Variants in ADCY2 observed in about 807,000 individuals in gnomAD.
The protein encoded by ADCY2 is adenylate cyclase type 2.
A neutral mutation model predicts 125.2 loss-of-function variants in ADCY2; 31 were observed. That is an observed-to-expected ratio of 0.25 (90% CI 0.19 to 0.33). The LOEUF is 0.33. Among genes scored for constraint, ADCY2 ranks in the 10% least tolerant of loss-of-function variants. The pLI is 1.00. For synonymous variants in ADCY2, 512 were observed against 548.4 expected, an observed-to-expected ratio of 0.93 and a Z score of 0.93; for missense variants, 904 against 1,418.2, an observed-to-expected ratio of 0.64 and a Z score of 5.82.
intron 4 of ADCY2, among the ~76,000 whole-genome samples, chr5:7,675,180 A>G (rs28449327): frequency 9.4e-6 from 1 of 105,970 alleles, no homozygotes; most frequent in Admixed American, 1.4e-4. Flanking sequence ...AAGAAAGAAA[A>G]AAAGAAAAAG....
At chr5:7,413,734 A>C (rs989030355) in intron 1 of ADCY2, among the ~76,000 whole-genome samples, 3 of 152,228 alleles carry the variant, frequency 2.0e-5, no homozygotes, top group African/African-American at 7.2e-5. Context: ...AATGTTTTGC[A>C]GAAGCTAAAG....
At chr5:7,692,767 A>G (rs1740745571) in intron 5 of ADCY2, among the ~76,000 whole-genome samples, 1 of 152,072 alleles carries the variant, frequency 6.6e-6, no homozygotes, top group Non-Finnish European at 1.5e-5. Context: ...TTTTCTTCTG[A>G]CAATCTGTTT....
chr5:7,512,233 A>AAAAAAAAAAAAAAAAAAAAAAAAG (rs1561066830), intron 2 of ADCY2, among the ~76,000 whole-genome samples: 1 of 143,758 alleles, frequency 7.0e-6, no homozygotes, highest in African/African-American at 2.7e-5. Context: ...AAAAAAAAAA[A>AAAAAAAAAAAAAAAAAAAAAAAAG]AAAAAAAGAA....
intron 3 of ADCY2, among the ~76,000 whole-genome samples, chr5:7,601,815 C>T (rs1737215188): frequency 6.6e-6 from 1 of 152,190 alleles, no homozygotes; most frequent in Non-Finnish European, 1.5e-5. Flanking sequence ...ATGCTGTGTG[C>T]ATCAGAGTAT....
chr5:7,803,679 G>A (rs1467586766), intron 21 of ADCY2, among the ~76,000 whole-genome samples: 1 of 152,064 alleles, frequency 6.6e-6, no homozygotes, highest in East Asian at 1.9e-4. Context: ...TGGGAGGATC[G>A]CTTGAGCCCA....
chr5:7,763,281 C>T (rs988525313), intron 16 of ADCY2, among the ~76,000 whole-genome samples: 1 of 151,344 alleles, frequency 6.6e-6, no homozygotes, highest in African/African-American at 2.4e-5. Context: ...TTAGTAGAGA[C>T]GGGGTTTCAC....
intron 3 of ADCY2, among the ~76,000 whole-genome samples, chr5:7,599,924 C>T (rs1282785563): frequency 2.6e-5 from 4 of 152,086 alleles, no homozygotes; most frequent in African/African-American, 9.7e-5. Flanking sequence ...TTGACTTCAT[C>T]GTGCATATAA....
intron 15 of ADCY2, chr5:7,749,651 C>T (rs1038180467): frequency 2.0e-5 from 3 of 152,122 alleles, no homozygotes; most frequent in African/African-American, 7.2e-5. Flanking sequence ...ACAAACCAAC[C>T]CCCAAAACAC....
intron 2 of ADCY2, among the ~76,000 whole-genome samples, chr5:7,457,735 G>T (rs996941445): frequency 1.3e-5 from 2 of 152,156 alleles, no homozygotes; most frequent in African/African-American, 4.8e-5. Context: ...CTGTTCTGTA[G>T]TCCATTCAGA....
Position 7,695,836 on chromosome 5 carries a change from C to T in ADCY2, c.954C>T (p.Leu318=). The change falls in exon 6 of 25, where the codon CTC becomes CTT. Residue 318 remains leucine (L), a synonymous_variant. Coordinates refer to ENST00000338316, the MANE Select transcript of ADCY2 (RefSeq NM_020546.3). ...AACTAGTCCACATGCTGAATGAGCT[C>T]TTTGGAAAGTTTGATCAAATTGCAA... ...PGELVHMLNE[L]FGKFDQIAKE... 6.2e-7 allele frequency: 1 copy of T among 1,611,988 alleles called. No homozygotes were observed. Among genetic ancestry groups the T allele is most frequent in the Non-Finnish European group, 8.5e-7 (1 of 1,178,904 alleles).
intron 4 of ADCY2, among the ~76,000 whole-genome samples, chr5:7,630,676 A>G (rs2126662887): frequency 6.6e-6 from 1 of 152,132 alleles, no homozygotes; most frequent in East Asian, 1.9e-4. Context: ...GGCCTTTTCA[A>G]GCTTCCGAAG....
chr5:7,601,399 A>G (rs992242641), intron 3 of ADCY2, among the ~76,000 whole-genome samples: 3 of 152,234 alleles, frequency 2.0e-5, no homozygotes, highest in African/African-American at 7.2e-5. Context: ...GTACAGGGCA[A>G]AAGTCAGTTA....
chr5:7,798,315 A>G (rs1219145450), intron 20 of ADCY2: 2 of 152,270 alleles, frequency 1.3e-5, no homozygotes, highest in African/African-American at 4.8e-5. Context: ...GAAAACATCC[A>G]CAGGAGGAAA....
intron 18 of ADCY2, among the ~76,000 whole-genome samples, chr5:7,776,045 A>G (rs939278018): frequency 2.0e-5 from 3 of 152,160 alleles, no homozygotes; most frequent in Admixed American, 6.5e-5. Context: ...GACTCATGCC[A>G]GAGGTAAAAC....
chr5:7,708,399 G>T (rs1240003596), intron 9 of ADCY2, among the ~76,000 whole-genome samples: 1 of 152,140 alleles, frequency 6.6e-6, no homozygotes, highest in Non-Finnish European at 1.5e-5. Flanking sequence ...CATACAAACA[G>T]TGAGAAACTA....
intron 3 of ADCY2, among the ~76,000 whole-genome samples, chr5:7,617,108 C>T (rs1737790653): frequency 6.6e-6 from 1 of 152,084 alleles, no homozygotes; most frequent in South Asian, 2.1e-4. Context: ...GAGTTAATCC[C>T]TTTTTTTCCC....
At chr5:7,580,143 T>C (rs757266170) in intron 3 of ADCY2, among the ~76,000 whole-genome samples, 13 of 152,130 alleles carry the variant, frequency 8.5e-5, no homozygotes, top group Non-Finnish European at 1.9e-4. Context: ...TAACTATGGG[T>C]ACTATGCTCA....
At chr5:7,791,206 C>A (rs1364120199) in intron 20 of ADCY2, among the ~76,000 whole-genome samples, 1 of 151,932 alleles carries the variant, frequency 6.6e-6, no homozygotes, top group Non-Finnish European at 1.5e-5. Context: ...GACTCAGTTC[C>A]CAAGCTTAAC....
At chr5:7,731,355 A>G (rs2126409158) in intron 14 of ADCY2, among the ~76,000 whole-genome samples, 1 of 150,814 alleles carries the variant, frequency 6.6e-6, no homozygotes, top group Non-Finnish European at 1.5e-5. Context: ...TCCTGGGTTC[A>G]AGCAGTTCTC....
Sources: gnomAD v4.1 joint callset for allele counts (sites outside exome capture counted in the v4.1 genomes callset) on GRCh38, gnomAD v4.1.1 for gene constraint, MANE v1.5 for transcripts, NCBI Gene and HGNC (gene_info 2026-07-23, HGNC 2026-07-21) for gene names.